SV2C: variants seen among roughly 807,000 people sequenced by gnomAD.
The protein encoded by SV2C is solute carrier family 22 member B3.
SV2C carries 49 observed loss-of-function variants against 79.7 expected under a neutral mutation model. That is an observed-to-expected ratio of 0.61 (90% CI 0.49 to 0.78). SV2C has a LOEUF of 0.78. SV2C is among the 30% of genes least tolerant of loss of function. The pLI is 0.00. For missense variants in SV2C, 833 were observed against 912.9 expected, an observed-to-expected ratio of 0.91 and a Z score of 1.13; for synonymous variants, 334 against 333.2, an observed-to-expected ratio of 1.00 and a Z score of -0.03.
At chr5:75,892,430 T>C in the SV2C span, among the ~76,000 whole-genome samples, 3 of 152,052 alleles carry the variant, frequency 2.0e-5, no homozygotes, top group African/African-American at 7.2e-5. Context: ...TTCTTTTTTT[T>C]TCAACTTCCA....
intron 8 of SV2C, among the ~76,000 whole-genome samples, chr5:76,292,739 A>G (rs1447266882): frequency 6.6e-6 from 1 of 152,230 alleles, no homozygotes; most frequent in Non-Finnish European, 1.5e-5. Flanking sequence ...GTTGTTGCCA[A>G]ATGAATTAAA....
the SV2C span, among the ~76,000 whole-genome samples, chr5:75,958,767 C>T: frequency 6.6e-6 from 1 of 151,884 alleles, no homozygotes; most frequent in Non-Finnish European, 1.5e-5. Flanking sequence ...GAAGCCCTCT[C>T]CCTCTCTTGT....
chr5:76,349,118 T>C (rs986694569), intron 12 of SV2C, among the ~76,000 whole-genome samples: 2 of 152,248 alleles, frequency 1.3e-5, no homozygotes, highest in Non-Finnish European at 2.9e-5. Flanking sequence ...CCTCATTTGT[T>C]TCATCAATAA....
At chr5:76,286,983 G>T (rs935685077) in intron 6 of SV2C, among the ~76,000 whole-genome samples, 1 of 152,118 alleles carries the variant, frequency 6.6e-6, no homozygotes, top group African/African-American at 2.4e-5. Flanking sequence ...TCTGGGTGGG[G>T]ACACGGCCAA....
At chr5:75,988,016 A>G in the SV2C span, among the ~76,000 whole-genome samples, 4 of 152,164 alleles carry the variant, frequency 2.6e-5, no homozygotes, top group East Asian at 7.8e-4. Context: ...ATTAGTCAAC[A>G]TACATAAAAC....
At chr5:76,068,831 C>A in the SV2C span, among the ~76,000 whole-genome samples, 6 of 151,934 alleles carry the variant, frequency 3.9e-5, no homozygotes, top group African/African-American at 1.4e-4. Flanking sequence ...CTTAGGTCAC[C>A]TTAAAGGATA....
At position 76,209,895 on chromosome 5, in the gene SV2C, G is replaced by C; in HGVS notation, c.913+8G>C. On this transcript the variant is annotated splice_region_variant and intron_variant, in intron 4 of 12. Coordinates refer to ENST00000502798, the MANE Select transcript of SV2C (RefSeq NM_014979.4). ...CCATCATCCCGCACTACGGTAAGAG[G>C]CTGGCCTTGCCCCAGCTGGGCAGTC... is the stretch of plus-strand genomic sequence containing the variant. The C allele has an allele frequency of 1.2e-6, 2 of 1,608,184 alleles. No homozygotes were observed. Among genetic ancestry groups the C allele is most frequent in the Non-Finnish European group, 1.7e-6 (2 of 1,176,906 alleles).
chr5:75,851,168 A>G, the SV2C span, among the ~76,000 whole-genome samples: 1,468 of 152,360 alleles, frequency 9.6e-3, 21 homozygotes, highest in African/African-American at 0.034. Flanking sequence ...ATGACCCAGC[A>G]AAAGTCAGCA....
intron 3 of SV2C, among the ~76,000 whole-genome samples, chr5:76,197,616 T>C (rs1744305476): frequency 6.6e-6 from 1 of 151,688 alleles, no homozygotes; most frequent in South Asian, 2.1e-4. Context: ...AATGAAGTTA[T>C]TAAGGAAAAT....
chr5:75,965,528 C>T, the SV2C span, among the ~76,000 whole-genome samples: 1 of 152,172 alleles, frequency 6.6e-6, no homozygotes, highest in African/African-American at 2.4e-5. Flanking sequence ...AACAGGTGCT[C>T]ACCAGACACC....
the SV2C span, among the ~76,000 whole-genome samples, chr5:75,969,353 G>A: frequency 6.6e-6 from 1 of 152,078 alleles, no homozygotes; most frequent in South Asian, 2.1e-4. Context: ...AATGGGCTAA[G>A]TTCTCCAATT....
chr5:75,888,132 T>A, the SV2C span, among the ~76,000 whole-genome samples: 15 of 152,104 alleles, frequency 9.9e-5, no homozygotes, highest in Admixed American at 2.0e-4. Flanking sequence ...AAAAGTAACA[T>A]TCTGTTCATC....
chr5:76,173,805 C>G (rs1721317811), intron 2 of SV2C: 1 of 1,602,778 alleles, frequency 6.2e-7, no homozygotes. Context: ...TGTTCCTTCC[C>G]TACAACTCTT....
At chr5:76,323,845 C>T (rs1434909130) in intron 12 of SV2C, among the ~76,000 whole-genome samples, 1 of 152,090 alleles carries the variant, frequency 6.6e-6, no homozygotes, top group Non-Finnish European at 1.5e-5. Context: ...AATGACAACA[C>T]ATGGACATAG....
At chr5:75,848,232 C>G in the SV2C span, among the ~76,000 whole-genome samples, 3 of 152,182 alleles carry the variant, frequency 2.0e-5, no homozygotes, top group Non-Finnish European at 4.4e-5. Flanking sequence ...ACTGGCAGCA[C>G]CAGAAGGCAA....
At chr5:75,961,777 T>A in the SV2C span, among the ~76,000 whole-genome samples, 1 of 152,036 alleles carries the variant, frequency 6.6e-6, no homozygotes, top group African/African-American at 2.4e-5. Flanking sequence ...GAAATAAATA[T>A]AAATTATTTA....
intron 4 of SV2C, among the ~76,000 whole-genome samples, chr5:76,247,332 T>C (rs925660110): frequency 6.6e-6 from 1 of 152,244 alleles, no homozygotes; most frequent in Non-Finnish European, 1.5e-5. Flanking sequence ...TGAATAATGC[T>C]TTCCCGTGGC....
the SV2C span, among the ~76,000 whole-genome samples, chr5:75,930,014 G>C: frequency 6.6e-6 from 1 of 152,222 alleles, no homozygotes; most frequent in Non-Finnish European, 1.5e-5. Flanking sequence ...TTAGCTACCA[G>C]GAGAAAAGAA....
chr5:75,848,024 C>T, the SV2C span, among the ~76,000 whole-genome samples: 1 of 152,166 alleles, frequency 6.6e-6, no homozygotes, highest in Non-Finnish European at 1.5e-5. Flanking sequence ...GAGACAACAC[C>T]CTCTCCTCAA....
Sources: allele counts gnomAD v4.1 joint callset (sites outside exome capture counted in the v4.1 genomes callset), GRCh38; gene constraint gnomAD v4.1.1; transcripts MANE v1.5; gene names NCBI Gene and HGNC (gene_info 2026-07-23, HGNC 2026-07-21).